TRPM3: variants seen among roughly 807,000 people sequenced by gnomAD.
TRPM3 encodes transient receptor potential cation channel subfamily M member 3.
Under a neutral mutation model 181.2 loss-of-function variants are expected in TRPM3, and 77 were observed. That is an observed-to-expected ratio of 0.42 (90% confidence interval 0.35 to 0.51). TRPM3 has a LOEUF of 0.51. TRPM3 is among the 20% of genes least tolerant of loss of function. The pLI, the probability that TRPM3 is intolerant of heterozygous loss-of-function variation, is 0.01. For synonymous variants in TRPM3, 745 were observed against 796.4 expected (o/e 0.94, Z 1.09); for missense variants, 1,759 against 2,196.7 (o/e 0.80, Z 3.98).
chr9:71,222,828 T>C (rs1313255571), intron 1 of TRPM3, among the ~76,000 whole-genome samples: 1 of 152,130 alleles, frequency 6.6e-6, no homozygotes, highest in Non-Finnish European at 1.5e-5. Flanking sequence ...ACTCAGCTGA[T>C]ACCCACAGAG....
intron 6 of TRPM3, among the ~76,000 whole-genome samples, chr9:70,815,318 T>A (rs1250755628): frequency 6.6e-6 from 1 of 152,160 alleles, no homozygotes; most frequent in Non-Finnish European, 1.5e-5. Context: ...TTAGGCTATT[T>A]CCATTTTATT....
chr9:71,433,053 GT>G (rs1266949002), intron 1 of TRPM3, among the ~76,000 whole-genome samples: 1 of 152,182 alleles, frequency 6.6e-6, no homozygotes, highest in African/African-American at 2.4e-5. Context: ...GAAGATCCAA[GT>G]CTTTTTGCCT....
At chr9:71,350,885 T>A (rs904530765) in intron 1 of TRPM3, among the ~76,000 whole-genome samples, 2 of 152,178 alleles carry the variant, frequency 1.3e-5, no homozygotes, top group Non-Finnish European at 2.9e-5. Flanking sequence ...GGAAGATATT[T>A]TGGGGAGGGG....
intron 25 of TRPM3, among the ~76,000 whole-genome samples, chr9:70,541,341 T>A (rs369271914): frequency 6.6e-6 from 1 of 152,098 alleles, no homozygotes; most frequent in Non-Finnish European, 1.5e-5. Flanking sequence ...TTTTCTCCAT[T>A]TTCTCCCAGA....
chr9:70,623,356 A>T (rs1303422419), intron 14 of TRPM3, among the ~76,000 whole-genome samples: 1 of 136,100 alleles, frequency 7.3e-6, no homozygotes, highest in Non-Finnish European at 1.6e-5. Context: ...ACAGGGTGAG[A>T]CTGCGTCTCA....
chr9:70,749,264 T>C (rs1038176587), intron 8 of TRPM3, among the ~76,000 whole-genome samples: 36 of 152,172 alleles, frequency 2.4e-4, no homozygotes, highest in African/African-American at 6.8e-4. Flanking sequence ...GTATGCAATG[T>C]TTGCTTCTTG....
chr9:71,141,913 T>C (rs989028517), intron 1 of TRPM3, among the ~76,000 whole-genome samples: 1 of 152,148 alleles, frequency 6.6e-6, no homozygotes, highest in African/African-American at 2.4e-5. Context: ...TTGTTTTGAT[T>C]GCTTCTGAAA....
chr9:70,843,425 A>G (rs55951628), intron 4 of TRPM3, among the ~76,000 whole-genome samples: 17,819 of 152,180 alleles, frequency 0.12, 1,272 homozygotes, highest in African/African-American at 0.19. Flanking sequence ...TTTTTTAACT[A>G]GAAACTCTTT....
At chr9:71,236,983 G>T (rs2081383885) in intron 1 of TRPM3, among the ~76,000 whole-genome samples, 1 of 144,202 alleles carries the variant, frequency 6.9e-6, no homozygotes. Flanking sequence ...GGAGGCGGAG[G>T]CTGCAGTGAG....
At chr9:70,570,089 A>G (rs1038117841) in intron 22 of TRPM3, among the ~76,000 whole-genome samples, 1 of 152,064 alleles carries the variant, frequency 6.6e-6, no homozygotes, top group Non-Finnish European at 1.5e-5. Context: ...TTAGTGCTCA[A>G]GATTGGCGTT....
At chr9:71,304,965 G>C (rs1370417503) in intron 1 of TRPM3, among the ~76,000 whole-genome samples, 2 of 152,124 alleles carry the variant, frequency 1.3e-5, no homozygotes, top group Non-Finnish European at 2.9e-5. Context: ...ACATTTTTTA[G>C]TAGGTACTAA....
chr9:70,624,004 G>T (rs1042560121), intron 14 of TRPM3, among the ~76,000 whole-genome samples: 1 of 152,028 alleles, frequency 6.6e-6, no homozygotes, highest in Non-Finnish European at 1.5e-5. Flanking sequence ...ACAACTGATC[G>T]TATTTGCTGC....
intron 1 of TRPM3, among the ~76,000 whole-genome samples, chr9:71,250,135 T>C (rs529592178): frequency 3.7e-4 from 57 of 152,326 alleles, no homozygotes; most frequent in African/African-American, 1.3e-3. Context: ...CAATTCTACA[T>C]AGGAGGGGAA....
At chr9:71,249,566 C>T (rs2082221299) in intron 1 of TRPM3, among the ~76,000 whole-genome samples, 2 of 152,052 alleles carry the variant, frequency 1.3e-5, no homozygotes, top group Non-Finnish European at 2.9e-5. Context: ...GTATTTTTGT[C>T]CCTTGAGATA....
intron 7 of TRPM3, among the ~76,000 whole-genome samples, chr9:70,766,440 G>C (rs1564188021): frequency 6.6e-6 from 1 of 152,036 alleles, no homozygotes. Context: ...AGCCCTTCCT[G>C]TGACCCCCAT....
At chr9:70,864,357 A>T (rs1253371322) in intron 2 of TRPM3, 75 bp downstream of exon 2, 4 of 993,932 alleles carry the variant, frequency 4.0e-6, no homozygotes, top group Non-Finnish European at 5.8e-6. Context: ...CCCTTGTAAC[A>T]GGTCATGATT....
chr9:71,374,298 C>T (rs2132823785), intron 1 of TRPM3, among the ~76,000 whole-genome samples: 1 of 152,216 alleles, frequency 6.6e-6, no homozygotes, highest in African/African-American at 2.4e-5. Context: ...CACTGGAACC[C>T]CGGAGGCAGA....
intron 1 of TRPM3, among the ~76,000 whole-genome samples, chr9:71,198,462 CAG>C (rs1373012083): frequency 1.3e-5 from 2 of 152,178 alleles, no homozygotes; most frequent in Non-Finnish European, 2.9e-5. Flanking sequence ...TTACCTTGGG[CAG>C]TATGGCCATC....
At chr9:70,751,838 A>G (rs1020215735) in intron 8 of TRPM3, among the ~76,000 whole-genome samples, 1 of 152,120 alleles carries the variant, frequency 6.6e-6, no homozygotes, top group African/African-American at 2.4e-5. Flanking sequence ...ACTACATAGA[A>G]AAAAAAGGCA....
Sources: gnomAD v4.1 joint callset for allele counts (sites outside exome capture counted in the v4.1 genomes callset) on GRCh38, gnomAD v4.1.1 for gene constraint, MANE v1.5 for transcripts, NCBI Gene and HGNC (gene_info 2026-07-23, HGNC 2026-07-21) for gene names.